The following CCDC172 variants were observed in gnomAD, a reference collection of about 807,000 sequenced individuals.
CCDC172 encodes coiled-coil domain containing 172.
CCDC172 carries 30 observed loss-of-function variants against 38.0 expected under a neutral mutation model. The observed-to-expected ratio is 0.79, with a 90% confidence interval of 0.59 to 1.07. The LOEUF is 1.07. Ranked by LOEUF, CCDC172 falls within the 50% of genes least tolerant of loss-of-function variation. CCDC172 has a pLI of 0.00. For missense variants in CCDC172, 297 were observed against 290.1 expected (o/e 1.02, Z -0.17); for synonymous variants, 78 against 88.3 (o/e 0.88, Z 0.66).
At chr10:116,352,482 C>T (rs1844942979) in intron 5 of CCDC172, among the ~76,000 whole-genome samples, 1 of 152,032 alleles carries the variant, frequency 6.6e-6, no homozygotes, top group South Asian at 2.1e-4. Context: ...TAAGTATACT[C>T]AAGGACATGA....
At chr10:116,377,425 A>T (rs181626886) in intron 7 of CCDC172, among the ~76,000 whole-genome samples, 1 of 152,100 alleles carries the variant, frequency 6.6e-6, no homozygotes, top group Admixed American at 6.6e-5. Flanking sequence ...AACTTTAACA[A>T]CTCCAAACCC....
chr10:116,340,641 A>AT (rs1282550064), intron 3 of CCDC172, 93 bp from the exon 4 acceptor site: 19 of 644,372 alleles, frequency 2.9e-5, no homozygotes, highest in African/African-American at 5.6e-5. Flanking sequence ...TACAGAATAT[A>AT]TTTTATACTA....
chr10:116,340,595 T>G (rs1844779898), intron 3 of CCDC172, 139 bp from the exon 4 acceptor site: 2 of 547,126 alleles, frequency 3.7e-6, no homozygotes, highest in Non-Finnish European at 6.5e-6. Flanking sequence ...AAATAAGATG[T>G]TTGATGCTAA....
At chr10:116,324,771 A>C (rs1365804265) in intron 1 of CCDC172, among the ~76,000 whole-genome samples, 158 bp downstream of exon 1, 1 of 152,182 alleles carries the variant, frequency 6.6e-6, no homozygotes. Flanking sequence ...GTAACGGGAA[A>C]CAAAGGCTGA....
intron 5 of CCDC172, among the ~76,000 whole-genome samples, 178 bp from the exon 6 acceptor site, chr10:116,357,202 G>A (rs1481893234): frequency 6.6e-6 from 1 of 151,934 alleles, no homozygotes; most frequent in Non-Finnish European, 1.5e-5. Flanking sequence ...GGATAGTATG[G>A]ATATTTTAAC....
At position 116,337,155 on chromosome 10, in the gene CCDC172, A is replaced by ATT. The variant is rs35181377; in HGVS notation, c.166-3565_166-3564dup. ...ACAAAGCTTGGCTATGTGATTCTAG[A>ATT]TTTTTTTTTTTTTTTAAACAAGAGT... On this transcript the variant is annotated intron_variant, in intron 3 of 8. Transcript: ENST00000333254. Among the ~76,000 whole-genome samples the ATT allele has an allele frequency of 7.6e-3, 1,103 of 146,016 alleles. 14 individuals are homozygous for ATT. The highest frequency in any genetic ancestry group is 0.024 in the African/African-American group (970 of 39,880).
At chr10:116,353,439 T>C (rs879076111) in intron 5 of CCDC172, among the ~76,000 whole-genome samples, 1 of 152,156 alleles carries the variant, frequency 6.6e-6, no homozygotes, top group Non-Finnish European at 1.5e-5. Context: ...ATCAAGGAAG[T>C]GAAAAGACGA....
chr10:116,347,019 G>C (rs10885913), intron 5 of CCDC172, among the ~76,000 whole-genome samples: 71,968 of 151,880 alleles, frequency 0.47, 17,085 homozygotes, highest in Admixed American at 0.53. Flanking sequence ...TGCCTTCAGA[G>C]TGAGGTCTGA....
rs1479828997 is a variant in CCDC172 at position 116,325,323 on chromosome 10, T to A, written c.100T>A (p.Cys34Ser). 9 of 1,613,444 alleles carry A rather than the reference T, an allele frequency of 5.6e-6. No homozygotes were observed. In the Admixed American group the frequency reaches 6.7e-5, roughly 12 times the overall value. The change falls in exon 3 of 9, where the codon TGT becomes AGT. Residue 34 changes from cysteine (C) to serine (S), a missense_variant. Physicochemically the swap from Cys to Ser is moderately radical, Grantham distance 112 (BLOSUM62 -1). Coordinates refer to ENST00000333254, the MANE Select transcript of CCDC172 (RefSeq NM_198515.3). Reference protein sequence around the residue: ...MREVRSEITRCREKIKKATEE... With the variant: ...MREVRSEITRSREKIKKATEE... ...TACAGTAAGGTCGGAAATAACCAGA[T>A]GTCGTGAAAAAATTAAGAAAGCAAC...
chr10:116,359,759 T>C (rs1196913431), intron 7 of CCDC172, among the ~76,000 whole-genome samples: 1 of 152,244 alleles, frequency 6.6e-6, no homozygotes, highest in Admixed American at 6.5e-5. Flanking sequence ...TATTAATTCA[T>C]TTCTATGAGC....
chr10:116,351,213 C>G (rs1051591304), intron 5 of CCDC172, among the ~76,000 whole-genome samples: 1 of 151,912 alleles, frequency 6.6e-6, no homozygotes, highest in Non-Finnish European at 1.5e-5. Context: ...AATATTGTAT[C>G]TTTTTTAATC....
intron 7 of CCDC172, among the ~76,000 whole-genome samples, chr10:116,376,467 T>C (rs1049701373): frequency 5.9e-5 from 9 of 152,208 alleles, no homozygotes; most frequent in African/African-American, 1.9e-4. Context: ...TGTTTATGTT[T>C]TTCTTTTCAG....
chr10:116,361,612 A>G (rs1390737024), intron 7 of CCDC172, among the ~76,000 whole-genome samples: 1 of 152,192 alleles, frequency 6.6e-6, no homozygotes, highest in Non-Finnish European at 1.5e-5. Context: ...AAAAGAAAAA[A>G]AGGTAGTATG....
chr10:116,373,224 A>T (rs1845206836), intron 7 of CCDC172, among the ~76,000 whole-genome samples: 1 of 152,132 alleles, frequency 6.6e-6, no homozygotes, highest in South Asian at 2.1e-4. Flanking sequence ...CCTGGACAAC[A>T]TAGAGAGACC....
In CCDC172 at chr10:116,359,690, T is replaced by C. The variant is rs535506548; in HGVS notation, c.653+1752T>C. On this transcript the variant is annotated intron_variant, in intron 7 of 8. Transcript: ENST00000333254. ...AACCAGCTTTATTTTAAGGTTATTA[T>C]GACTTCTACATTCATTAACTTTAAC... Among the ~76,000 whole-genome samples, 43 of 152,348 alleles carry C rather than the reference T, an allele frequency of 2.8e-4. 1 individual carries two copies. Among genetic ancestry groups the C allele is most frequent in the South Asian group, 8.3e-4 (4 of 4,830 alleles).
Position 116,357,928 on chromosome 10 carries a change from G to C in CCDC172, c.643G>C (p.Glu215Gln). The C allele has an allele frequency of 6.4e-7, 1 of 1,564,060 alleles. No individual in the cohort carries two copies. Residue 215 changes from glutamate to glutamine, a missense_variant, in exon 7 of 9, where the codon GAA becomes CAA. Physicochemically the swap from Glu to Gln is conservative, Grantham distance 29. Transcript: ENST00000333254. ...CAGTGAAAAGCCTCAAAATGATACA[G>C]AATGCTTAAGGTAAGAGTTTCCTGT... The part of the protein sequence containing the change: ...KISEKPQNDT[E>Q]CLRLKKELEL...
At chr10:116,345,667 T>C (rs1344910405) in intron 5 of CCDC172, among the ~76,000 whole-genome samples, 3 of 152,108 alleles carry the variant, frequency 2.0e-5, no homozygotes, top group African/African-American at 7.2e-5. Context: ...AACTTCACAA[T>C]AGAGTACTAA....
chr10:116,329,870 C>G (rs1319071855), intron 3 of CCDC172, among the ~76,000 whole-genome samples: 1 of 152,054 alleles, frequency 6.6e-6, no homozygotes, highest in African/African-American at 2.4e-5. Context: ...ATTGAAGTGT[C>G]AAAAATATTA....
chr10:116,348,309 C>G (rs184892526), intron 5 of CCDC172, among the ~76,000 whole-genome samples: 5 of 152,120 alleles, frequency 3.3e-5, no homozygotes, highest in Admixed American at 2.0e-4. Context: ...CTTCCATTCC[C>G]ACTTCTAATT....
Sources: allele counts gnomAD v4.1 joint callset (sites outside exome capture counted in the v4.1 genomes callset), GRCh38; gene constraint gnomAD v4.1.1; transcripts MANE v1.5; gene names NCBI Gene and HGNC (gene_info 2026-07-23, HGNC 2026-07-21).